Variants in CUBN observed in about 807,000 individuals in gnomAD.
CUBN encodes the protein 460 kDa receptor.
Under a neutral mutation model 405.3 loss-of-function variants are expected in CUBN, and 282 were observed. The ratio of observed to expected loss-of-function variants is 0.70; its 90% CI spans 0.63 to 0.77. The LOEUF (loss-of-function observed/expected upper bound fraction) is 0.77, where lower values mean the gene tolerates loss of function less well. Among genes scored for constraint, CUBN ranks in the 30% least tolerant of loss-of-function variants. The pLI, the probability that CUBN is intolerant of heterozygous loss-of-function variation, is 0.00. For synonymous variants in CUBN, 1,684 were observed against 1,617.0 expected, an observed-to-expected ratio of 1.04 and a Z score of -0.99; for missense variants, 4,514 against 4,475.2, an observed-to-expected ratio of 1.01 and a Z score of -0.25.
chr10:16,903,874 A>C, intron 51 of CUBN, 92 bp downstream of exon 51: 2 of 948,006 alleles, frequency 2.1e-6, no homozygotes, highest in Non-Finnish European at 3.1e-6. Flanking sequence ...CTATGTAGAA[A>C]TAAATCTAAC....
At chr10:17,046,506 T>G (rs1340986865) in intron 23 of CUBN, among the ~76,000 whole-genome samples, 1 of 152,170 alleles carries the variant, frequency 6.6e-6, no homozygotes, top group East Asian at 1.9e-4. Context: ...ATTTTTGAAA[T>G]GTAATATATC....
At chr10:16,851,930 A>C (rs1349948316) in intron 59 of CUBN, among the ~76,000 whole-genome samples, 37 of 33,080 alleles carry the variant, frequency 1.1e-3, no homozygotes, top group Non-Finnish European at 1.4e-3. Context: ...CCCTCCCTCT[A>C]TCTTTCCCTC....
intron 28 of CUBN, among the ~76,000 whole-genome samples, chr10:17,008,560 C>T (rs1173039933): frequency 3.3e-5 from 5 of 151,826 alleles, no homozygotes; most frequent in Non-Finnish European, 2.9e-5. Context: ...TCAGGTCCCT[C>T]GGGCTCTCCC....
In CUBN at chr10:16,928,139, A is replaced by C. The variant is rs568841844; in HGVS notation, c.6271+18T>G. The C allele has an allele frequency of 3.3e-5, 54 of 1,612,136 alleles. No homozygotes were observed. Among genetic ancestry groups the C allele is most frequent in the Non-Finnish European group, 4.3e-5 (51 of 1,178,986 alleles). On this transcript the variant is annotated intron_variant, in intron 41 of 66. Transcript: ENST00000377833. ...GAGATGAGATAACATGGGATTAAAA[A>C]ATATTTGAACTCATTACTCTTGTGA...
chr10:16,978,241 C>T (rs1040287577), intron 31 of CUBN, among the ~76,000 whole-genome samples: 3 of 152,180 alleles, frequency 2.0e-5, no homozygotes, highest in African/African-American at 7.2e-5. Context: ...AGAAGAGCTG[C>T]TAAACCTTTG....
intron 14 of CUBN, among the ~76,000 whole-genome samples, chr10:17,093,756 C>T (rs74120126): frequency 0.064 from 9,679 of 151,404 alleles, 476 homozygotes; most frequent in East Asian, 0.22. Context: ...ACTGAGGCTA[C>T]CAAACAATGA....
At chr10:17,024,567 G>T (rs763331200) in intron 27 of CUBN, among the ~76,000 whole-genome samples, 3 of 152,104 alleles carry the variant, frequency 2.0e-5, no homozygotes, top group Non-Finnish European at 4.4e-5. Flanking sequence ...GTGCAGTGGT[G>T]CAATAAGGTT....
Position 16,928,173 on chromosome 10 carries a change from A to G in CUBN, c.6255T>C (p.Asn2085=), listed in dbSNP as rs1441161282. 6.8e-6 allele frequency: 11 copies of G among 1,613,916 alleles called. No individual in the cohort carries two copies. The South Asian group carries it at 7.7e-5, about 11-fold the overall frequency. ...ACTCATTACTCTTGTGAAAGGATGC[A>G]TTGAAGCCTGCCCTGGTTACACTGG... ...SDSSVTRAGF[N]ASFHKSCGGY... Residue 2085 remains asparagine, a synonymous_variant, in exon 41 of 67, where the codon AAT becomes AAC. Transcript: ENST00000377833.
intron 5 of CUBN, among the ~76,000 whole-genome samples, chr10:17,123,130 C>T (rs936662525): frequency 1.3e-5 from 2 of 152,166 alleles, no homozygotes; most frequent in Non-Finnish European, 2.9e-5. Flanking sequence ...GAGAGGAATC[C>T]TTATCTAAAC....
intron 28 of CUBN, among the ~76,000 whole-genome samples, chr10:17,011,682 G>A (rs560521197): frequency 6.6e-6 from 1 of 150,934 alleles, no homozygotes; most frequent in East Asian, 1.9e-4. Flanking sequence ...CCATTTTACA[G>A]AGCACTGATT....
intron 18 of CUBN, 35 bp downstream of exon 18, chr10:17,071,792 C>T (rs1835745702): frequency 6.2e-7 from 1 of 1,603,378 alleles, no homozygotes; most frequent in African/African-American, 1.3e-5. Flanking sequence ...TACAATCAGG[C>T]AAATTAGACA....
Position 17,107,186 on chromosome 10 carries a change from G to A in CUBN, c.1112-1611C>T, listed in dbSNP as rs537244745. ...TCCAGCATCTTGACAGTTTTCTTAC[G>A]CAATGTTAGGTTAAAAATACTCGTC... On this transcript the variant is annotated intron_variant, in intron 10 of 66. Transcript: ENST00000377833. Among the ~76,000 whole-genome samples the A allele has an allele frequency of 8.5e-5, 13 of 152,238 alleles. No homozygotes were observed. The South Asian group carries it at 2.5e-3, about 29-fold the overall frequency.
At chr10:17,122,591 CG>C in intron 6 of CUBN, 1 of 623,288 alleles carries the variant, frequency 1.6e-6, no homozygotes, top group Non-Finnish European at 3.0e-6. Context: ...GATTTCTTCA[CG>C]GGGTGAGAGT....
In CUBN at chr10:16,906,410, C is replaced by T; in HGVS notation, c.7706-1G>A. On this transcript the variant is annotated splice_acceptor_variant, in intron 49 of 66. Transcript: ENST00000377833. LOFTEE classifies it high-confidence loss of function. ...GTATTTGGAAGAGACCCACCACACA[C>T]TAAGAAAACAGAAGGCAACAGAGAA... is the stretch of plus-strand genomic sequence containing the variant. 1 of 1,608,300 alleles carries T rather than the reference C, an allele frequency of 6.2e-7. No homozygotes were observed. The highest frequency in any genetic ancestry group is 8.5e-7 in the Non-Finnish European group (1 of 1,174,776).
At chr10:16,844,821 A>T (rs1839467073) in intron 60 of CUBN, among the ~76,000 whole-genome samples, 1 of 152,130 alleles carries the variant, frequency 6.6e-6, no homozygotes. Context: ...GTTGCAGGGG[A>T]CGCCCTATCC....
At chr10:17,047,379 G>T (rs1554814366) in intron 23 of CUBN, 35 bp downstream of exon 23, 1 of 1,482,122 alleles carries the variant, frequency 6.7e-7, no homozygotes, top group South Asian at 1.2e-5. Context: ...AATAAATAAT[G>T]AAAAGATTAT....
chr10:16,982,795 C>A, intron 30 of CUBN, 142 bp from the exon 31 acceptor site: 1 of 755,922 alleles, frequency 1.3e-6, no homozygotes, highest in Non-Finnish European at 2.3e-6. Context: ...TTGATATCCA[C>A]ATTAAGCCAT....
At chr10:16,988,090 T>G (rs1409786960) in intron 29 of CUBN, among the ~76,000 whole-genome samples, 1 of 152,178 alleles carries the variant, frequency 6.6e-6, no homozygotes, top group Non-Finnish European at 1.5e-5. Flanking sequence ...CCAGGCCTGC[T>G]TGTAGGGAAC....
chr10:17,072,909 A>G (rs2131850189), intron 17 of CUBN, among the ~76,000 whole-genome samples: 1 of 152,328 alleles, frequency 6.6e-6, no homozygotes, highest in East Asian at 1.9e-4. Context: ...AGATTTGAAC[A>G]GACATAAGTC....
Sources: allele counts gnomAD v4.1 joint callset (sites outside exome capture counted in the v4.1 genomes callset), GRCh38; gene constraint gnomAD v4.1.1; transcripts MANE v1.5; gene names NCBI Gene and HGNC (gene_info 2026-07-23, HGNC 2026-07-21).